Variants in GSDME observed in about 807,000 individuals in gnomAD.
The protein encoded by GSDME is gasdermin-E.
A neutral mutation model predicts 47.5 loss-of-function variants in GSDME; 44 were observed. The ratio of observed to expected loss-of-function variants is 0.93; its 90% CI spans 0.73 to 1.19. The LOEUF (loss-of-function observed/expected upper bound fraction) is 1.19. Among genes scored for constraint, GSDME ranks in the 50% most tolerant of loss-of-function variants. The pLI, the probability that GSDME is intolerant of heterozygous loss-of-function variation, is 0.00. For missense variants in GSDME, 663 were observed against 604.2 expected (o/e 1.10, Z -1.02); for synonymous variants, 258 against 252.8 (o/e 1.02, Z -0.20).
chr7:24,707,831 G>A (rs938495549), intron 7 of GSDME: 4 of 546,404 alleles, frequency 7.3e-6, no homozygotes, highest in Non-Finnish European at 1.3e-5. Context: ...TGGGGGAAGT[G>A]TGGCCCTGCA....
the GSDME span, among the ~76,000 whole-genome samples, chr7:24,766,573 G>A: frequency 2.6e-5 from 4 of 152,178 alleles, no homozygotes; most frequent in Non-Finnish European, 5.9e-5. The surrounding 1 kb of genome is among the most constrained non-coding windows in gnomAD (Gnocchi z 4.2). Flanking sequence ...CTGTTCTTGT[G>A]TTAGTTTGCT....
At chr7:24,781,844 A>G in the GSDME span, among the ~76,000 whole-genome samples, 1 of 152,162 alleles carries the variant, frequency 6.6e-6, no homozygotes, top group Non-Finnish European at 1.5e-5. Context: ...CCTGGGCTCA[A>G]GCAATCCAAC....
chr7:24,791,056 T>C, the GSDME span, among the ~76,000 whole-genome samples: 1 of 152,002 alleles, frequency 6.6e-6, no homozygotes, highest in East Asian at 1.9e-4. The surrounding 1 kb of genome is among the most constrained non-coding windows in gnomAD (Gnocchi z 4.8). Context: ...TTCTTCAGAG[T>C]CACTTTGCAG....
At chr7:24,702,939 C>T in intron 8 of GSDME, 106 bp from the exon 9 acceptor site, 1 of 897,524 alleles carries the variant, frequency 1.1e-6, no homozygotes, top group Admixed American at 2.0e-5. Context: ...TTCCCGCCAG[C>T]CAGGCAGGGG....
chr7:24,784,015 T>C, the GSDME span, among the ~76,000 whole-genome samples: 3 of 152,152 alleles, frequency 2.0e-5, no homozygotes, highest in Non-Finnish European at 2.9e-5. Context: ...CTGGCAGGCG[T>C]TCTCTGTGGA....
chr7:24,707,775 C>T (rs1010632962), intron 7 of GSDME: 16 of 476,764 alleles, frequency 3.4e-5, no homozygotes, highest in Non-Finnish European at 5.2e-5. Context: ...AGGAGCCATC[C>T]GCAGCTGGAA....
intron 3 of GSDME, among the ~76,000 whole-genome samples, chr7:24,719,653 C>T (rs181076185): frequency 0.01 from 1,559 of 152,114 alleles, 36 homozygotes; most frequent in African/African-American, 0.035. Flanking sequence ...ATTAGCCAGG[C>T]GTGGTGGCAC....
chr7:24,707,158 C>CAATCTAATTTCAAGAGAGAA, intron 7 of GSDME: 1 of 369,674 alleles, frequency 2.7e-6, no homozygotes, highest in Non-Finnish European at 5.4e-6. Context: ...TCTTTCGGCA[C>CAATCTAATTTCAAGAGAGAA]AATCTAATTT....
the GSDME span, among the ~76,000 whole-genome samples, chr7:24,773,350 T>A: frequency 6.6e-6 from 1 of 152,236 alleles, no homozygotes; most frequent in Non-Finnish European, 1.5e-5. The surrounding 1 kb of genome is among the most constrained non-coding windows in gnomAD (Gnocchi z 5.4). Context: ...TGAGAAACAT[T>A]ACTTCATAGC....
rs115865539 is a variant in GSDME, at chr7:24,698,954, G to T, written c.*72C>A. On this transcript the variant is annotated 3_prime_UTR_variant, in exon 10 of 10. Coordinates refer to ENST00000645220, the MANE Select transcript of GSDME (RefSeq NM_001127453.2). ...TTCATTTCATTGGTCAACTTTTAAC[G>T]TGCATATGACCTTTAACAGTTCTGA... 2 of 1,008,296 alleles carry T rather than the reference G, an allele frequency of 2.0e-6. No homozygotes were observed. The highest frequency in any genetic ancestry group is 3.1e-6 in the Non-Finnish European group (2 of 646,968). 62.5% of individuals were successfully genotyped at this position (1,008,296 alleles called of 1,614,324 possible). A position where few individuals can be genotyped will look rare whatever the true frequency, so the allele number is the denominator to read the frequency against.
At chr7:24,750,183 A>T (rs1258601128) in intron 1 of GSDME, among the ~76,000 whole-genome samples, 14 of 152,200 alleles carry the variant, frequency 9.2e-5, no homozygotes, top group Admixed American at 9.2e-4. Flanking sequence ...ATCCAACAGG[A>T]AAGAGTTTTG....
At chr7:24,789,511 TAATCAG>T in the GSDME span, among the ~76,000 whole-genome samples, 1 of 152,222 alleles carries the variant, frequency 6.6e-6, no homozygotes, top group African/African-American at 2.4e-5. Context: ...CATGCACCGG[TAATCAG>T]AACGGAACAG....
At chr7:24,776,730 T>C in the GSDME span, among the ~76,000 whole-genome samples, 2 of 152,300 alleles carry the variant, frequency 1.3e-5, no homozygotes, top group South Asian at 4.1e-4. Context: ...TCAGCCTCAT[T>C]CTCTTTTTCT....
chr7:24,723,633 G>A (rs1402226836), intron 3 of GSDME, among the ~76,000 whole-genome samples: 1 of 152,192 alleles, frequency 6.6e-6, no homozygotes, highest in Non-Finnish European at 1.5e-5. Context: ...AGCCTAGAGA[G>A]GTTGATGGTA....
chr7:24,752,276 G>A (rs1384132683), intron 1 of GSDME, among the ~76,000 whole-genome samples: 1 of 152,192 alleles, frequency 6.6e-6, no homozygotes, highest in African/African-American at 2.4e-5. Context: ...CTCTTGCACT[G>A]GAATGCAGCA....
Position 24,717,284 on chromosome 7 carries a change from CAAT to C in GSDME, c.664_666del (p.Ile222del). 7 of 1,614,120 alleles carry C rather than the reference CAAT, an allele frequency of 4.3e-6. No individual in the cohort carries two copies. Among genetic ancestry groups the C allele is most frequent in the Non-Finnish European group, 5.9e-6 (7 of 1,180,030 alleles). On this transcript the variant is annotated inframe_deletion, in exon 5 of 10. Coordinates refer to ENST00000645220, the MANE Select transcript of GSDME (RefSeq NM_001127453.2). ...TGGCCGTCCAGTTTCACGTATAACT[CAAT>C]GACACCGTAGGCAATGGTGGTGGCA...
At chr7:24,740,892 T>G (rs1790467468) in intron 3 of GSDME, among the ~76,000 whole-genome samples, 1 of 152,166 alleles carries the variant, frequency 6.6e-6, no homozygotes, top group African/African-American at 2.4e-5. Flanking sequence ...GATATGCCTT[T>G]ATGGTAACAC....
chr7:24,774,103 C>T, the GSDME span, among the ~76,000 whole-genome samples: 5 of 152,210 alleles, frequency 3.3e-5, no homozygotes, highest in African/African-American at 9.7e-5. Flanking sequence ...CTCCCAGGCC[C>T]TGCTCATCCT....
chr7:24,752,352 G>T (rs1790885747), intron 1 of GSDME, among the ~76,000 whole-genome samples: 1 of 152,202 alleles, frequency 6.6e-6, no homozygotes, highest in South Asian at 2.1e-4. Flanking sequence ...TGCCTCTCCT[G>T]CAGGGCAGCC....
Sources: allele counts gnomAD v4.1 joint callset (sites outside exome capture counted in the v4.1 genomes callset), GRCh38; gene constraint gnomAD v4.1.1; non-coding constraint Gnocchi (gnomAD v3.1); transcripts MANE v1.5; gene names NCBI Gene and HGNC (gene_info 2026-07-23, HGNC 2026-07-21).